Variants in ME3 observed in about 807,000 individuals in gnomAD.
ME3 encodes the protein malic enzyme 3.
A neutral mutation model predicts 68.9 loss-of-function variants in ME3; 48 were observed. That is an observed-to-expected ratio of 0.70 (90% CI 0.55 to 0.89). ME3 has a LOEUF of 0.89. ME3 is among the 40% of genes least tolerant of loss of function. The pLI is 0.00. For missense variants in ME3, 675 were observed against 797.4 expected, an observed-to-expected ratio of 0.85 and a Z score of 1.85; for synonymous variants, 320 against 318.8, an observed-to-expected ratio of 1.00 and a Z score of -0.04.
At position 86,664,838 on chromosome 11, in the gene ME3, G is replaced by A. The variant is rs74946859; in HGVS notation, c.183+6924C>T. 1.1e-3 allele frequency among the ~76,000 whole-genome samples: 169 copies of A among 152,256 alleles called. 4 individuals carry two copies. The East Asian group carries it at 0.029, about 26-fold the overall frequency. On this transcript the variant is annotated intron_variant, in intron 2 of 14. Transcript: ENST00000543262. ...GGCACCACCTGTGTCTTCTGAATAG[G>A]ACCTCCTTCTTCCCTGGGCTCTGCT... is the stretch of plus-strand genomic sequence containing the variant.
chr11:86,668,957 C>T (rs752828926), intron 2 of ME3, among the ~76,000 whole-genome samples: 5 of 152,212 alleles, frequency 3.3e-5, no homozygotes, highest in Non-Finnish European at 7.3e-5. Context: ...CTAAGCACAG[C>T]ATTGAAGACT....
intron 4 of ME3, among the ~76,000 whole-genome samples, chr11:86,521,897 T>C (rs149781823): frequency 2.8e-4 from 42 of 152,332 alleles, no homozygotes; most frequent in Admixed American, 2.2e-3. Context: ...TGGCTTACAG[T>C]TGGCCATCCA....
At chr11:86,518,610 G>C (rs987762745) in intron 4 of ME3, among the ~76,000 whole-genome samples, 1 of 152,164 alleles carries the variant, frequency 6.6e-6, no homozygotes, top group Non-Finnish European at 1.5e-5. Flanking sequence ...CACAATTTGT[G>C]TATTTTTCTC....
At chr11:86,464,583 C>T (rs368756412) in intron 8 of ME3, among the ~76,000 whole-genome samples, 28 of 152,302 alleles carry the variant, frequency 1.8e-4, no homozygotes, top group African/African-American at 6.0e-4. Flanking sequence ...GACAGAGACA[C>T]GCCTTGTATT....
intron 2 of ME3, among the ~76,000 whole-genome samples, chr11:86,633,004 C>G (rs868370654): frequency 6.6e-6 from 1 of 152,202 alleles, no homozygotes; most frequent in South Asian, 2.1e-4. Flanking sequence ...GGCCCCTGTG[C>G]CCAGGGACAC....
In ME3 at chr11:86,491,987, G is replaced by T. The variant is rs371770345; in HGVS notation, c.706-4547C>A. 4.5e-4 allele frequency among the ~76,000 whole-genome samples: 69 copies of T among 152,284 alleles called. 2 individuals are homozygous for T. The South Asian group carries it at 0.014, about 31-fold the overall frequency. The stretch of plus-strand genomic sequence containing the variant: ...TCTTCAAGTTTGGAGGCAACGTGCC[G>T]CAGGGGAAAGGACACTGCTGGTCCT... On this transcript the variant is annotated intron_variant, in intron 6 of 14. Coordinates refer to ENST00000543262, the Ensembl canonical transcript of ME3.
chr11:86,660,603 G>A (rs1019862515), intron 2 of ME3, among the ~76,000 whole-genome samples: 2 of 152,154 alleles, frequency 1.3e-5, no homozygotes, highest in Non-Finnish European at 2.9e-5. Flanking sequence ...TTTAGCCTTT[G>A]AGCTCTGCTG....
chr11:86,615,031 A>T (rs1002060590), intron 2 of ME3, among the ~76,000 whole-genome samples: 4 of 152,172 alleles, frequency 2.6e-5, no homozygotes, highest in African/African-American at 7.2e-5. Context: ...TCGTTTTTTT[A>T]AAAAATATCA....
chr11:86,575,710 T>C (rs1357338857), intron 2 of ME3, among the ~76,000 whole-genome samples: 1 of 152,242 alleles, frequency 6.6e-6, no homozygotes, highest in African/African-American at 2.4e-5. Context: ...CTTCAACATA[T>C]TGCCTTGCAA....
intron 2 of ME3, among the ~76,000 whole-genome samples, chr11:86,589,934 T>A (rs1958964139): frequency 6.6e-6 from 1 of 152,152 alleles, no homozygotes; most frequent in Non-Finnish European, 1.5e-5. Context: ...CACATCACAG[T>A]GATGGGGTGT....
intron 11 of ME3, 125 bp downstream of exon 11, chr11:86,448,025 A>G (rs1480681875): frequency 3.1e-6 from 2 of 655,036 alleles, no homozygotes; most frequent in Non-Finnish European, 5.4e-6. Context: ...ATTGAATTGC[A>G]CATGGGATAG....
intron 6 of ME3, among the ~76,000 whole-genome samples, chr11:86,493,525 T>A (rs1158697568): frequency 3.3e-5 from 5 of 152,078 alleles, no homozygotes; most frequent in Admixed American, 3.3e-4. Context: ...AACAAGGGGG[T>A]TGAACGAGAT....
At chr11:86,579,332 G>T (rs1023899165) in intron 2 of ME3, among the ~76,000 whole-genome samples, 2 of 152,192 alleles carry the variant, frequency 1.3e-5, no homozygotes, top group East Asian at 3.8e-4. Context: ...ATGAGAGGCA[G>T]TGGGCCACAG....
At chr11:86,529,427 T>A (rs370612123) in intron 4 of ME3, among the ~76,000 whole-genome samples, 6 of 152,156 alleles carry the variant, frequency 3.9e-5, no homozygotes, top group African/African-American at 1.4e-4. Context: ...CTACCAGAGA[T>A]ACAGGGAGGA....
At chr11:86,473,048 C>T (rs1950868359) in intron 7 of ME3, among the ~76,000 whole-genome samples, 1 of 152,222 alleles carries the variant, frequency 6.6e-6, no homozygotes, top group African/African-American at 2.4e-5. Flanking sequence ...GCAGTTGAAG[C>T]CATGGGATTG....
At chr11:86,622,856 CT>C (rs1163956801) in intron 2 of ME3, 1 of 151,962 alleles carries the variant, frequency 6.6e-6, no homozygotes, top group East Asian at 1.9e-4. Flanking sequence ...ACCACTCCCC[CT>C]GGAAGCTTGT....
At chr11:86,555,499 T>A (rs1228004114) in intron 4 of ME3, among the ~76,000 whole-genome samples, 1 of 152,170 alleles carries the variant, frequency 6.6e-6, no homozygotes, top group Non-Finnish European at 1.5e-5. Context: ...TGAGCCTCTA[T>A]AGGTTTGCAA....
downstream of ME3, among the ~76,000 whole-genome samples, chr11:86,440,123 C>T (rs1015298664): frequency 2.0e-5 from 3 of 152,172 alleles, no homozygotes; most frequent in African/African-American, 7.2e-5. Flanking sequence ...AGGACCTATT[C>T]GTTGCTGGCA....
chr11:86,636,190 G>C (rs1166966897), intron 2 of ME3, among the ~76,000 whole-genome samples: 1 of 152,104 alleles, frequency 6.6e-6, no homozygotes, highest in East Asian at 1.9e-4. Context: ...TGTCTGGTTT[G>C]AGACTTTCTG....
Sources: gnomAD v4.1 joint callset for allele counts (sites outside exome capture counted in the v4.1 genomes callset) on GRCh38, gnomAD v4.1.1 for gene constraint, MANE v1.5 for transcripts, NCBI Gene and HGNC (gene_info 2026-07-23, HGNC 2026-07-21) for gene names.